The following ANKRD30A variants were observed in gnomAD, a reference collection of about 807,000 sequenced individuals.
ANKRD30A encodes the protein ankyrin repeat domain 30A, also known as ankyrin repeat domain-containing protein 30A.
Under a neutral mutation model 166.3 loss-of-function variants are expected in ANKRD30A, and 170 were observed. The observed-to-expected ratio is 1.02, with a 90% CI of 0.90 to 1.16. ANKRD30A has a LOEUF of 1.16. ANKRD30A is among the 50% of genes most tolerant of loss of function. ANKRD30A has a pLI of 0.00. For synonymous variants in ANKRD30A, 564 were observed against 508.9 expected (o/e 1.11, Z -1.46); for missense variants, 1,630 against 1,518.0 (o/e 1.07, Z -1.23).
At chr10:37,241,291 T>TA in the ANKRD30A span, 1,440 of 151,098 alleles carry the variant, frequency 9.5e-3, 22 homozygotes, top group African/African-American at 0.032. Context: ...CTTTTATTTT[T>TA]AAAATTATAT....
intron 13 of ANKRD30A, among the ~76,000 whole-genome samples, chr10:37,156,519 T>G (rs1244368475): frequency 6.6e-6 from 1 of 152,228 alleles, no homozygotes; most frequent in African/African-American, 2.4e-5. Flanking sequence ...AAATGGTTCC[T>G]TGATGATGAG....
intron 4 of ANKRD30A, among the ~76,000 whole-genome samples, chr10:37,133,562 C>A (rs1037692438): frequency 6.6e-6 from 1 of 152,218 alleles, no homozygotes; most frequent in African/African-American, 2.4e-5. Flanking sequence ...CTTCAGATTG[C>A]TGTCACTTGT....
chr10:37,211,775 C>G (rs1842335708), intron 31 of ANKRD30A, among the ~76,000 whole-genome samples: 1 of 152,104 alleles, frequency 6.6e-6, no homozygotes, highest in South Asian at 2.1e-4. Context: ...TCCTATTTCT[C>G]TACATCCTCT....
intron 31 of ANKRD30A, among the ~76,000 whole-genome samples, chr10:37,209,471 A>G (rs889202617): frequency 6.6e-6 from 1 of 152,096 alleles, no homozygotes; most frequent in Non-Finnish European, 1.5e-5. Context: ...ACCAATATTC[A>G]TGAGGATCAC....
chr10:37,234,007 G>A (rs1050841856), downstream of ANKRD30A, among the ~76,000 whole-genome samples: 17 of 152,064 alleles, frequency 1.1e-4, no homozygotes, highest in Non-Finnish European at 2.1e-4. Context: ...TTGTTAATTT[G>A]AAGGACTATC....
At chr10:37,192,936 C>G in intron 25 of ANKRD30A, 128 bp from the exon 26 acceptor site, 3 of 1,474,872 alleles carry the variant, frequency 2.0e-6, no homozygotes, top group Non-Finnish European at 2.8e-6. Flanking sequence ...CAAAAGACCC[C>G]AAAAGCTAGT....
intron 5 of ANKRD30A, 35 bp from the exon 6 acceptor site, chr10:37,136,572 A>G (rs752403702): frequency 1.7e-5 from 17 of 1,029,128 alleles, no homozygotes; most frequent in Non-Finnish European, 2.4e-5. Flanking sequence ...TCAGTGTTAA[A>G]ATGGTAATTT....
At position 37,216,212 on chromosome 10, in the gene ANKRD30A, A is replaced by C; in HGVS notation, c.2901A>C (p.Thr967=). 1.2e-6 allele frequency: 2 copies of C among 1,605,120 alleles called. No homozygotes were observed. The highest frequency in any genetic ancestry group is 8.5e-7 in the Non-Finnish European group (1 of 1,173,924). Residue 967 remains threonine (T), a synonymous_variant, in exon 32 of 36, where the codon ACA becomes ACC. Transcript: ENST00000361713. The part of the protein sequence containing the change: ...DSTSLSKILD[T]VHSCERAREL... ...CTAGCCTATCAAAAATCTTGGATACAGTTCATTCTTGTGAAAGAGCAAGGG... is the reference window on the plus strand; with the variant it reads ...CTAGCCTATCAAAAATCTTGGATACCGTTCATTCTTGTGAAAGAGCAAGGG...
chr10:37,183,425 T>C (rs1243536508), intron 24 of ANKRD30A, among the ~76,000 whole-genome samples: 2 of 146,788 alleles, frequency 1.4e-5, no homozygotes, highest in African/African-American at 2.5e-5. Context: ...GCATAAGGTT[T>C]TAAAGTGCCA....
chr10:37,240,170 A>T, the ANKRD30A span, among the ~76,000 whole-genome samples: 1 of 152,158 alleles, frequency 6.6e-6, no homozygotes, highest in African/African-American at 2.4e-5. Flanking sequence ...ACACATACTC[A>T]TAATTAAGAG....
At chr10:37,256,028 C>T in the ANKRD30A span, among the ~76,000 whole-genome samples, 1 of 152,270 alleles carries the variant, frequency 6.6e-6, no homozygotes, top group Admixed American at 6.5e-5. Context: ...GTGCCTGCAG[C>T]GTGACTGGTC....
rs73245469 is a variant in ANKRD30A at position 37,227,556 on chromosome 10, C to T, written c.4186-3905C>T. ...CTTTTTCAATCATGTTGCATATTAC[C>T]AGTTATATATTATCATACATGATAA... is the stretch of plus-strand genomic sequence containing the variant. On this transcript the variant is annotated intron_variant, in intron 34 of 35. Transcript: ENST00000361713. Among the ~76,000 whole-genome samples, 1,421 of 151,990 alleles carry T rather than the reference C, an allele frequency of 9.3e-3. 17 individuals carry two copies. The highest frequency in any genetic ancestry group is 0.03 in the African/African-American group (1,250 of 41,480).
In ANKRD30A at chr10:37,138,477, G is replaced by GA. The variant is rs528943138; in HGVS notation, c.820+1814dup. Among the ~76,000 whole-genome samples the GA allele has an allele frequency of 7.8e-4, 119 of 151,966 alleles. 4 individuals are homozygous for GA. The South Asian group carries it at 0.02, about 26-fold the overall frequency. ...CCATGGCAAAGAAGTTAAAAACCTT[G>GA]AAAAAAAATTAGATGAATGGCTAAC... On this transcript the variant is annotated intron_variant, in intron 6 of 35. Coordinates refer to ENST00000361713, the MANE Select transcript of ANKRD30A (RefSeq NM_052997.3).
the ANKRD30A span, among the ~76,000 whole-genome samples, chr10:37,253,649 C>CT: frequency 0.013 from 1,746 of 130,002 alleles, 43 homozygotes; most frequent in African/African-American, 0.041. Flanking sequence ...TTTTCTTTTT[C>CT]TTTTTTTTTT....
intron 31 of ANKRD30A, among the ~76,000 whole-genome samples, chr10:37,203,187 C>G (rs1222327923): frequency 1.3e-5 from 2 of 151,940 alleles, no homozygotes; most frequent in African/African-American, 4.8e-5. Context: ...AACAAAAAAA[C>G]AGAATTTTAG....
At position 37,136,622 on chromosome 10, in the gene ANKRD30A, T is replaced by C. The variant is rs776021846; in HGVS notation, c.771T>C (p.Ile257=). 5.0e-6 allele frequency: 7 copies of C among 1,393,284 alleles called. No individual in the cohort carries two copies. The East Asian group carries it at 7.5e-5, about 15-fold the overall frequency. The allele number at this position is 1,393,284 out of a possible 1,614,324, so 86.3% of individuals were successfully genotyped here. ...TTATACATAGCATTCATGAACAAATTATGGAATATATACGAAAATTATCTA... is the reference window on the plus strand; with the variant it reads ...TTATACATAGCATTCATGAACAAATCATGGAATATATACGAAAATTATCTA... ...TCGFHHIHEQ[I]MEYIRKLSKN... is the part of the protein sequence containing the mutation. The change falls in exon 6 of 36, where the codon ATT becomes ATC. Residue 257 remains isoleucine, a synonymous_variant. Transcript: ENST00000361713.
At chr10:37,205,824 G>T (rs1841956292) in intron 31 of ANKRD30A, among the ~76,000 whole-genome samples, 1 of 152,172 alleles carries the variant, frequency 6.6e-6, no homozygotes, top group Non-Finnish European at 1.5e-5. Flanking sequence ...GCAGACTTGA[G>T]GTCATGCAAT....
At chr10:37,172,543 C>CG (rs1839661284) in intron 21 of ANKRD30A, among the ~76,000 whole-genome samples, 1 of 83,042 alleles carries the variant, frequency 1.2e-5, no homozygotes. Flanking sequence ...TTTTTAATTT[C>CG]TTTTTTTTTT....
intron 21 of ANKRD30A, among the ~76,000 whole-genome samples, chr10:37,172,239 G>A (rs1320564970): frequency 9.6e-6 from 1 of 103,786 alleles, no homozygotes; most frequent in African/African-American, 4.1e-5. Flanking sequence ...TTTCTCAGGC[G>A]ATGCTGCTGC....
Sources: gnomAD v4.1 joint callset for allele counts (sites outside exome capture counted in the v4.1 genomes callset) on GRCh38, gnomAD v4.1.1 for gene constraint, MANE v1.5 for transcripts, NCBI Gene and HGNC (gene_info 2026-07-23, HGNC 2026-07-21) for gene names.